Variants in ASAP1 observed in about 807,000 individuals in gnomAD.
ASAP1 encodes arf-GAP with SH3 domain, ANK repeat and PH domain-containing protein 1.
In ASAP1, 43 loss-of-function variants were observed where a neutral mutation model predicts 145.2. The observed-to-expected ratio is 0.30, with a 90% CI of 0.23 to 0.38. ASAP1 has a LOEUF of 0.38. Among genes scored for constraint, ASAP1 ranks in the 10% least tolerant of loss-of-function variants. The pLI is 1.00. For synonymous variants in ASAP1, 546 were observed against 515.5 expected (o/e 1.06, Z -0.80); for missense variants, 1,018 against 1,355.3 (o/e 0.75, Z 3.91).
intron 5 of ASAP1, among the ~76,000 whole-genome samples, chr8:130,209,280 C>G (rs900684199): frequency 1.3e-5 from 2 of 152,152 alleles, no homozygotes; most frequent in South Asian, 2.1e-4. Context: ...GCAACATTAA[C>G]CTACTTAACG....
chr8:130,427,416 A>G (rs1829961842), intron 1 of ASAP1, among the ~76,000 whole-genome samples: 1 of 152,204 alleles, frequency 6.6e-6, no homozygotes, highest in Non-Finnish European at 1.5e-5. Context: ...AGGTTTCACA[A>G]GCACCAATAA....
chr8:130,253,718 A>G (rs2136890450), intron 3 of ASAP1, among the ~76,000 whole-genome samples: 1 of 152,342 alleles, frequency 6.6e-6, no homozygotes, highest in Middle Eastern at 3.4e-3. Context: ...GCACGCTCAA[A>G]AAGCTTTACA....
At chr8:130,072,315 G>T (rs2135217928) in intron 27 of ASAP1, among the ~76,000 whole-genome samples, 1 of 152,264 alleles carries the variant, frequency 6.6e-6, no homozygotes, top group East Asian at 1.9e-4. Flanking sequence ...GGATCTGATG[G>T]GAGATAATTG....
At chr8:130,332,662 A>G (rs1485819926) in intron 3 of ASAP1, among the ~76,000 whole-genome samples, 1 of 152,226 alleles carries the variant, frequency 6.6e-6, no homozygotes, top group Non-Finnish European at 1.5e-5. Context: ...GGCTGAAAGT[A>G]GAATAAAAAG....
intron 2 of ASAP1, among the ~76,000 whole-genome samples, chr8:130,359,779 G>A (rs1271236410): frequency 6.6e-6 from 1 of 152,024 alleles, no homozygotes; most frequent in Non-Finnish European, 1.5e-5. Context: ...GCCCGCCACC[G>A]CGCCCGGCTA....
chr8:130,439,264 T>C (rs1471547109), intron 1 of ASAP1, among the ~76,000 whole-genome samples: 2 of 152,186 alleles, frequency 1.3e-5, no homozygotes, highest in Non-Finnish European at 2.9e-5. Context: ...TTCCCAGCGC[T>C]GCCAGGAGTA....
At chr8:130,183,203 TGC>T (rs1192903553) in intron 7 of ASAP1, among the ~76,000 whole-genome samples, 1 of 150,960 alleles carries the variant, frequency 6.6e-6, no homozygotes, top group Non-Finnish European at 1.5e-5. Flanking sequence ...CAAAAATAAA[TGC>T]AACAAACAAC....
intron 4 of ASAP1, among the ~76,000 whole-genome samples, chr8:130,220,420 G>A (rs544143682): frequency 6.0e-4 from 92 of 152,284 alleles, no homozygotes; most frequent in African/African-American, 2.1e-3. Context: ...CATCCTCACT[G>A]TGTAGATATA....
At chr8:130,361,929 C>T (rs1291756045) in intron 2 of ASAP1, among the ~76,000 whole-genome samples, 41 of 152,220 alleles carry the variant, frequency 2.7e-4, no homozygotes, top group Non-Finnish European at 5.6e-4. Context: ...AGCATCATCT[C>T]TGTTGTCGCC....
chr8:130,191,509 T>C (rs16904215), intron 5 of ASAP1, among the ~76,000 whole-genome samples: 16,079 of 151,886 alleles, frequency 0.11, 988 homozygotes, highest in South Asian at 0.28. Context: ...ATAAACACTG[T>C]TCCTACCTGT....
At chr8:130,390,344 G>C (rs1288694334) in intron 2 of ASAP1, among the ~76,000 whole-genome samples, 1 of 152,190 alleles carries the variant, frequency 6.6e-6, no homozygotes, top group East Asian at 1.9e-4. Context: ...AAGTTCTACT[G>C]GAAAGTCTAC....
intron 2 of ASAP1, among the ~76,000 whole-genome samples, chr8:130,366,395 A>G (rs1422946399): frequency 6.6e-6 from 1 of 152,186 alleles, no homozygotes; most frequent in Non-Finnish European, 1.5e-5. Flanking sequence ...TTCCCAGCAC[A>G]TGCAGAGTGT....
intron 28 of ASAP1, among the ~76,000 whole-genome samples, 188 bp downstream of exon 28, chr8:130,060,391 C>G (rs2097416378): frequency 6.6e-6 from 1 of 152,200 alleles, no homozygotes; most frequent in African/African-American, 2.4e-5. Context: ...TGAAGCCTGT[C>G]TGCTGGAGCC....
chr8:130,137,812 C>T (rs189278690), intron 13 of ASAP1, among the ~76,000 whole-genome samples: 13 of 152,292 alleles, frequency 8.5e-5, no homozygotes, highest in African/African-American at 2.6e-4. Flanking sequence ...AGTCTCACCA[C>T]GTATTCACAC....
intron 2 of ASAP1, among the ~76,000 whole-genome samples, chr8:130,373,474 T>A (rs1442956585): frequency 6.6e-6 from 1 of 152,096 alleles, no homozygotes; most frequent in East Asian, 1.9e-4. Flanking sequence ...CCACAAAAAA[T>A]AAATTCTAAA....
chr8:130,096,013 G>A (rs1319773332), intron 24 of ASAP1, among the ~76,000 whole-genome samples: 1 of 152,196 alleles, frequency 6.6e-6, no homozygotes, highest in Non-Finnish European at 1.5e-5. Context: ...AGTGTTAAGT[G>A]TGAAAAGGGA....
chr8:130,079,499 C>T (rs1181853314), intron 26 of ASAP1, among the ~76,000 whole-genome samples: 11 of 152,012 alleles, frequency 7.2e-5, no homozygotes, highest in Admixed American at 7.2e-4. Context: ...AATCAGATTT[C>T]CCTAAGGATT....
chr8:130,055,249 G>A (rs1204511629), intron 29 of ASAP1, among the ~76,000 whole-genome samples: 1 of 150,712 alleles, frequency 6.6e-6, no homozygotes, highest in East Asian at 1.9e-4. Context: ...GTTAAGTGGG[G>A]CTAAAGAAAA....
intron 3 of ASAP1, among the ~76,000 whole-genome samples, chr8:130,305,025 T>C (rs1323682407): frequency 6.6e-6 from 1 of 152,144 alleles, no homozygotes; most frequent in Admixed American, 6.5e-5. Context: ...CCTCCTTTTG[T>C]TGTTTCGTGA....
Sources: allele counts gnomAD v4.1 joint callset (sites outside exome capture counted in the v4.1 genomes callset), GRCh38; gene constraint gnomAD v4.1.1; transcripts MANE v1.5; gene names NCBI Gene and HGNC (gene_info 2026-07-23, HGNC 2026-07-21).